THOC2: variants seen among roughly 807,000 people sequenced by gnomAD.
THOC2 encodes the protein THO complex subunit 2.
Under a neutral mutation model 128.4 loss-of-function variants are expected in THOC2, and 10 were observed. The ratio of observed to expected loss-of-function variants is 0.08; its 90% confidence interval spans 0.05 to 0.13. The LOEUF (loss-of-function observed/expected upper bound fraction) is 0.13. Among genes scored for constraint, THOC2 ranks in the 10% least tolerant of loss-of-function variants. The pLI is 1.00. For synonymous variants in THOC2, 393 were observed against 396.9 expected, an observed-to-expected ratio of 0.99 and a Z score of 0.12; for missense variants, 535 against 1,155.7, an observed-to-expected ratio of 0.46 and a Z score of 7.79.
At chrX:123,728,367 A>G (rs1432943406) in intron 1 of THOC2, among the ~76,000 whole-genome samples, 1 of 112,021 alleles carries the variant, frequency 8.9e-6, no homozygotes, top group African/African-American at 3.2e-5. Context: ...CAAACAAAGT[A>G]GTAGCCTATA....
chrX:123,674,501 T>A (rs2049404588), intron 8 of THOC2, among the ~76,000 whole-genome samples: 1 of 111,866 alleles, frequency 8.9e-6, no homozygotes, highest in African/African-American at 3.2e-5. Context: ...GGATCATGAT[T>A]TTTTATACAT....
intron 12 of THOC2, 38 bp downstream of exon 12, chrX:123,665,604 A>G (rs2049018930): frequency 1.0e-6 from 1 of 971,618 alleles, no homozygotes; most frequent in Non-Finnish European, 1.4e-6. Context: ...GAATATTTTC[A>G]TTTCAAAATT....
At chrX:123,656,934 C>A (rs1203342644) in intron 12 of THOC2, among the ~76,000 whole-genome samples, 9 of 110,313 alleles carry the variant, frequency 8.2e-5, no homozygotes, top group African/African-American at 3.0e-4. Context: ...TCCTTGAACC[C>A]AGGGGGCGGA....
intron 1 of THOC2, 48 bp downstream of exon 1, chrX:123,732,904 G>A: frequency 8.7e-7 from 1 of 1,152,049 alleles, no homozygotes; most frequent in East Asian, 3.0e-5. Flanking sequence ...TGCAGCTGAC[G>A]CCCTGGCCCG....
intron 12 of THOC2, 105 bp downstream of exon 12, chrX:123,665,527 CATAACCCTTT>C: frequency 2.0e-6 from 1 of 512,800 alleles, no homozygotes; most frequent in Non-Finnish European, 3.0e-6. Context: ...CCTCACTCAA[CATAACCCTTT>C]ATTAAATGAG....
intron 1 of THOC2, among the ~76,000 whole-genome samples, chrX:123,717,676 TA>T (rs1236424322): frequency 1.9e-5 from 1 of 53,407 alleles, no homozygotes; most frequent in Admixed American, 2.5e-4. Context: ...AGAAAAATCC[TA>T]AAATTTATAT....
Position 123,621,313 on chromosome X carries a change from T to A in THOC2, c.4060A>T (p.Thr1354Ser). Reference sequence around the variant, plus strand: ...TCCTTCTCTCTTTCCCTTTCTTGAGTTGATTTTGATTCTGCGTTGGGGACA... The same window carrying A: ...TCCTTCTCTCTTTCCCTTTCTTGAGATGATTTTGATTCTGCGTTGGGGACA... ...TTVPNAESKS[T>S]QEREREKEPS... is the part of the protein sequence containing the mutation. The change falls in exon 31 of 39, where the codon ACT becomes TCT. Residue 1354 changes from threonine to serine, a missense_variant. Coordinates refer to ENST00000245838, the MANE Select transcript of THOC2 (RefSeq NM_001081550.2). 8.3e-7 allele frequency: 1 copy of A among 1,211,253 alleles called. No homozygotes were observed. Among genetic ancestry groups the A allele is most frequent in the Non-Finnish European group, 1.1e-6 (1 of 895,190 alleles).
chrX:123,686,456 G>C, intron 8 of THOC2, 92 bp downstream of exon 8: 1 of 735,760 alleles, frequency 1.4e-6, no homozygotes, highest in Admixed American at 3.6e-5. Flanking sequence ...CCTGAGATGA[G>C]ACCAATCATT....
chrX:123,654,429 T>C (rs944444222), intron 12 of THOC2, among the ~76,000 whole-genome samples: 13 of 107,679 alleles, frequency 1.2e-4, no homozygotes, highest in Admixed American at 2.0e-4. Context: ...TATATATATA[T>C]ACACACACAC....
intron 8 of THOC2, among the ~76,000 whole-genome samples, chrX:123,680,519 G>A (rs1253697357): frequency 1.8e-5 from 2 of 109,113 alleles, no homozygotes; most frequent in East Asian, 2.9e-4. Flanking sequence ...CGGTCCCCTG[G>A]GCCCCCTTTT....
rs187413812 is a variant in THOC2, at chrX:123,686,949, T to C, written c.602-235A>G. Among the ~76,000 whole-genome samples, 417 of 112,028 alleles carry C rather than the reference T, an allele frequency of 3.7e-3. 6 individuals carry two copies. Among genetic ancestry groups the C allele is most frequent in the Admixed American group, 0.032 (338 of 10,532 alleles). The stretch of plus-strand genomic sequence containing the variant: ...GGTTAATGACAGAGCTGGGTCAGTA[T>C]AGTCCAGGACCAGTGATACCAGTCA... On this transcript the variant is annotated intron_variant, in intron 7 of 38. Coordinates refer to ENST00000245838, the MANE Select transcript of THOC2 (RefSeq NM_001081550.2).
intron 38 of THOC2, chrX:123,603,065 T>C (rs2046341925): frequency 9.2e-6 from 1 of 108,731 alleles, no homozygotes; most frequent in African/African-American, 3.4e-5. Flanking sequence ...TTTATCTCAA[T>C]TGTTTAAATT....
intron 12 of THOC2, among the ~76,000 whole-genome samples, chrX:123,648,651 G>A (rs1288298440): frequency 6.5e-5 from 7 of 106,887 alleles, no homozygotes; most frequent in African/African-American, 1.0e-4. Flanking sequence ...CAATTACTGA[G>A]GCTTGAGTAG....
At chrX:123,724,297 G>C (rs964283639) in intron 1 of THOC2, among the ~76,000 whole-genome samples, 2 of 111,817 alleles carry the variant, frequency 1.8e-5, no homozygotes, top group Admixed American at 9.5e-5. Flanking sequence ...ATCAGGATGA[G>C]CAGGGTAAGG....
intron 15 of THOC2, among the ~76,000 whole-genome samples, chrX:123,642,876 T>C (rs1490918012): frequency 9.0e-6 from 1 of 110,939 alleles, no homozygotes; most frequent in African/African-American, 3.3e-5. Context: ...GAGGATGGAG[T>C]GAGACTTTTT....
In THOC2 at chrX:123,721,786, CA is replaced by C. The variant is rs1218436792; in HGVS notation, c.72-8879del. ...AGGCGAGAGAGCAAGACTCTATCTC[CA>C]AAAAAAAAAAATTAAAATTAAAAAA... On this transcript the variant is annotated intron_variant, in intron 1 of 38. Coordinates refer to ENST00000245838, the MANE Select transcript of THOC2 (RefSeq NM_001081550.2). Among the ~76,000 whole-genome samples, 560 of 96,788 alleles carry C rather than the reference CA, an allele frequency of 5.8e-3. 4 individuals carry two copies. The highest frequency in any genetic ancestry group is 0.019 in the African/African-American group (510 of 26,639). The allele number at this position is 96,788 out of a possible 115,157, so 84.0% of individuals were successfully genotyped here. A position where few individuals can be genotyped will look rare whatever the true frequency, so the allele number is the denominator to read the frequency against.
At chrX:123,601,727 G>A (rs1254035549) in intron 38 of THOC2, 2 of 110,493 alleles carry the variant, frequency 1.8e-5, no homozygotes, top group African/African-American at 6.6e-5. Flanking sequence ...GTGTGCGTGT[G>A]GGAGAGAGGG....
intron 6 of THOC2, 39 bp from the exon 7 acceptor site, chrX:123,696,193 T>C: frequency 1.0e-6 from 1 of 998,513 alleles, no homozygotes; most frequent in Non-Finnish European, 1.4e-6. Context: ...ATAAAATTAA[T>C]TTTAATTAAC....
intron 38 of THOC2, among the ~76,000 whole-genome samples, chrX:123,604,157 T>A (rs1441195060): frequency 8.9e-6 from 1 of 112,105 alleles, no homozygotes; most frequent in Non-Finnish European, 1.9e-5. Context: ...GGACTGTTGC[T>A]GCTTCTCAAA....
Sources: gnomAD v4.1 joint callset for allele counts (sites outside exome capture counted in the v4.1 genomes callset) on GRCh38, gnomAD v4.1.1 for gene constraint, MANE v1.5 for transcripts, NCBI Gene and HGNC (gene_info 2026-07-23, HGNC 2026-07-21) for gene names.